The following NR3C2 variants were observed in gnomAD, a reference collection of about 807,000 sequenced individuals.
NR3C2 encodes the protein nuclear receptor subfamily 3 group C member 2.
A neutral mutation model predicts 86.4 loss-of-function variants in NR3C2; 15 were observed. The ratio of observed to expected loss-of-function variants is 0.17; its 90% CI spans 0.12 to 0.27. The LOEUF (loss-of-function observed/expected upper bound fraction) is 0.27, where lower values mean the gene tolerates loss of function less well. Among genes scored for constraint, NR3C2 ranks in the 10% least tolerant of loss-of-function variants. NR3C2 has a pLI of 1.00. For synonymous variants in NR3C2, 458 were observed against 450.5 expected, an observed-to-expected ratio of 1.02 and a Z score of -0.21; for missense variants, 960 against 1,195.6, an observed-to-expected ratio of 0.80 and a Z score of 2.91.
At chr4:148,347,448 C>T (rs996303499) in intron 2 of NR3C2, among the ~76,000 whole-genome samples, 8 of 152,084 alleles carry the variant, frequency 5.3e-5, no homozygotes, top group Non-Finnish European at 1.0e-4. Context: ...TATTGGGTCA[C>T]GTTCGCTTAC....
chr4:148,254,814 A>G (rs1739746657), intron 3 of NR3C2, among the ~76,000 whole-genome samples: 1 of 152,194 alleles, frequency 6.6e-6, no homozygotes, highest in Non-Finnish European at 1.5e-5. Flanking sequence ...TGTGGTTGTG[A>G]CAATAGGCTC....
intron 3 of NR3C2, among the ~76,000 whole-genome samples, chr4:148,237,937 C>T (rs976614612): frequency 1.3e-5 from 2 of 152,040 alleles, no homozygotes; most frequent in Non-Finnish European, 2.9e-5. Flanking sequence ...TAAGATATCA[C>T]AAGGAGAAAT....
chr4:148,376,688 G>A (rs779961362), intron 2 of NR3C2, among the ~76,000 whole-genome samples: 58 of 152,172 alleles, frequency 3.8e-4, no homozygotes, highest in South Asian at 1.5e-3. Context: ...GCCGTCCAAG[G>A]GCAGCTAAAC....
At chr4:148,142,270 A>G (rs917884361) in intron 6 of NR3C2, among the ~76,000 whole-genome samples, 20 of 152,274 alleles carry the variant, frequency 1.3e-4, no homozygotes, top group African/African-American at 4.8e-4. Flanking sequence ...CAGCGCCCAC[A>G]CTAATGCGGG....
chr4:148,349,771 AT>A (rs1745178479), intron 2 of NR3C2, among the ~76,000 whole-genome samples: 1 of 152,006 alleles, frequency 6.6e-6, no homozygotes, highest in African/African-American at 2.4e-5. Flanking sequence ...CCATTAGACA[AT>A]TTTTTCATTA....
intron 2 of NR3C2, among the ~76,000 whole-genome samples, chr4:148,318,161 T>C (rs191560450): frequency 6.6e-6 from 1 of 151,856 alleles, no homozygotes; most frequent in Admixed American, 6.6e-5. Flanking sequence ...TTACTCAGAA[T>C]GATGATTTCC....
At chr4:148,210,179 GTTTTTT>G (rs961157791) in intron 3 of NR3C2, among the ~76,000 whole-genome samples, 2 of 151,794 alleles carry the variant, frequency 1.3e-5, no homozygotes, top group Non-Finnish European at 1.5e-5. Flanking sequence ...AATTTTAGGT[GTTTTTT>G]TGTTTTTGTT....
At chr4:148,238,084 A>G (rs959991409) in intron 3 of NR3C2, among the ~76,000 whole-genome samples, 7 of 152,158 alleles carry the variant, frequency 4.6e-5, no homozygotes, top group Non-Finnish European at 8.8e-5. Context: ...ACTATTTTAT[A>G]TTTTTATTTA....
At chr4:148,299,973 G>A (rs1401184819) in intron 2 of NR3C2, among the ~76,000 whole-genome samples, 2 of 152,150 alleles carry the variant, frequency 1.3e-5, no homozygotes. Context: ...GGATTGATGA[G>A]TTGGCCTTAA....
intron 2 of NR3C2, among the ~76,000 whole-genome samples, chr4:148,297,581 G>A (rs975874538): frequency 6.6e-6 from 1 of 151,990 alleles, no homozygotes; most frequent in Non-Finnish European, 1.5e-5. Flanking sequence ...CCAACATGGT[G>A]AAACCATGTG....
intron 4 of NR3C2, among the ~76,000 whole-genome samples, chr4:148,189,085 C>T (rs993878916): frequency 6.6e-6 from 1 of 151,970 alleles, no homozygotes; most frequent in Non-Finnish European, 1.5e-5. Context: ...CGCGCCACCA[C>T]CCCTGGCTAA....
intron 3 of NR3C2, among the ~76,000 whole-genome samples, chr4:148,238,773 G>A (rs1339456883): frequency 6.6e-6 from 1 of 152,132 alleles, no homozygotes; most frequent in Non-Finnish European, 1.5e-5. Context: ...GTCCCTCTCT[G>A]CTTTCAGGGG....
At chr4:148,153,736 A>G (rs79714733) in intron 5 of NR3C2, among the ~76,000 whole-genome samples, 1 of 150,252 alleles carries the variant, frequency 6.7e-6, no homozygotes, top group Admixed American at 6.7e-5. Flanking sequence ...ACAAAAAAAA[A>G]TGACTAAAAT....
intron 6 of NR3C2, among the ~76,000 whole-genome samples, chr4:148,121,287 T>C (rs1732495038): frequency 6.6e-6 from 1 of 152,202 alleles, no homozygotes; most frequent in African/African-American, 2.4e-5. Flanking sequence ...GGGGCTCCCC[T>C]CAATTGGCAG....
At chr4:148,333,537 A>AAAAAAAAAAAAAAG in intron 2 of NR3C2, among the ~76,000 whole-genome samples, 1 of 118,702 alleles carries the variant, frequency 8.4e-6, no homozygotes. Flanking sequence ...AAGTCTCCTT[A>AAAAAAAAAAAAAAG]AAATCTCCCT....
At chr4:148,299,876 C>CT (rs1273939299) in intron 2 of NR3C2, among the ~76,000 whole-genome samples, 1 of 151,962 alleles carries the variant, frequency 6.6e-6, no homozygotes, top group Non-Finnish European at 1.5e-5. Context: ...AAGAAAGGTC[C>CT]TTTTTTCCCT....
chr4:148,121,557 A>C (rs984260931), intron 6 of NR3C2, among the ~76,000 whole-genome samples: 4 of 152,222 alleles, frequency 2.6e-5, no homozygotes, highest in Non-Finnish European at 5.9e-5. Flanking sequence ...GGCAGAGTTA[A>C]GGCCCACTCT....
At chr4:148,281,085 C>T (rs1318540110) in intron 2 of NR3C2, among the ~76,000 whole-genome samples, 1 of 152,178 alleles carries the variant, frequency 6.6e-6, no homozygotes, top group African/African-American at 2.4e-5. Flanking sequence ...CCTTCATCTC[C>T]TGAGACTTCA....
chr4:148,442,491 G>A, upstream of NR3C2: 1 of 247,642 alleles, frequency 4.0e-6, no homozygotes, highest in African/African-American at 2.3e-5. Context: ...CCCGGAGGGG[G>A]AGTGGGCCAG....
Sources: gnomAD v4.1 joint callset for allele counts (sites outside exome capture counted in the v4.1 genomes callset) on GRCh38, gnomAD v4.1.1 for gene constraint, MANE v1.5 for transcripts, NCBI Gene and HGNC (gene_info 2026-07-23, HGNC 2026-07-21) for gene names.